ADAM12: variants seen among roughly 807,000 people sequenced by gnomAD.
ADAM12 encodes the protein disintegrin and metalloproteinase domain-containing protein 12.
In ADAM12, 70 loss-of-function variants were observed where a neutral mutation model predicts 106.4. The observed-to-expected ratio is 0.66, with a 90% CI of 0.54 to 0.80. The LOEUF (loss-of-function observed/expected upper bound fraction) is 0.80. Ranked by LOEUF, ADAM12 falls within the 30% of genes least tolerant of loss-of-function variation. The pLI is 0.00. For missense variants in ADAM12, 1,010 were observed against 1,171.9 expected (o/e 0.86, Z 2.02); for synonymous variants, 420 against 433.5 (o/e 0.97, Z 0.39).
At chr10:126,321,404 A>G (rs1003674101) in intron 2 of ADAM12, among the ~76,000 whole-genome samples, 2 of 152,288 alleles carry the variant, frequency 1.3e-5, no homozygotes, top group East Asian at 1.9e-4. Flanking sequence ...AAACAATTTA[A>G]AAGTATGATA....
In ADAM12 at chr10:126,036,630, A is replaced by G. The variant is rs1445363435; in HGVS notation, c.2350-305T>C. Among the ~76,000 whole-genome samples the G allele has an allele frequency of 2.0e-5, 3 of 152,326 alleles. No homozygotes were observed. In the East Asian group the frequency reaches 5.8e-4, roughly 29 times the overall value. On this transcript the variant is annotated intron_variant, in intron 20 of 22. Coordinates refer to ENST00000448723, the MANE Select transcript of ADAM12 (RefSeq NM_001288973.2). ...ACTTGAAAAAGTACCAAGTATAAAGAAAGACACGGACCGAGATCTTAGGGA... is the reference window on the plus strand; with the variant it reads ...ACTTGAAAAAGTACCAAGTATAAAGGAAGACACGGACCGAGATCTTAGGGA...
intron 6 of ADAM12, among the ~76,000 whole-genome samples, chr10:126,115,796 G>C (rs1394274550): frequency 6.6e-6 from 1 of 152,124 alleles, no homozygotes; most frequent in East Asian, 1.9e-4. Context: ...CATAAGTGGG[G>C]CAGGAAATGT....
chr10:126,181,570 C>T (rs1957313040), intron 3 of ADAM12, among the ~76,000 whole-genome samples: 1 of 152,158 alleles, frequency 6.6e-6, no homozygotes, highest in South Asian at 2.1e-4. Flanking sequence ...AGCCACCCAG[C>T]CACTCAAGAA....
At position 126,181,092 on chromosome 10, in the gene ADAM12, GAC is replaced by G. The variant is rs1333125500; in HGVS notation, c.261-25789_261-25788del. On this transcript the variant is annotated intron_variant, in intron 3 of 22. Transcript: ENST00000448723. Reference sequence around the variant, plus strand: ...TAGGGATTTTTTTTTTTTTTTTTGAGACACAGTCTCCCTCTGTTGCCCAGGCT... The same window carrying G: ...TAGGGATTTTTTTTTTTTTTTTTGAGACAGTCTCCCTCTGTTGCCCAGGCT... 1.3e-3 allele frequency among the ~76,000 whole-genome samples: 189 copies of G among 141,914 alleles called. 1 individual carries two copies. Among genetic ancestry groups the G allele is most frequent in the African/African-American group, 5.0e-3 (181 of 36,552 alleles). 93.1% of individuals were successfully genotyped at this position (141,914 alleles called of 152,430 possible).
At chr10:126,317,815 G>A (rs1185001420) in intron 2 of ADAM12, among the ~76,000 whole-genome samples, 2 of 152,088 alleles carry the variant, frequency 1.3e-5, no homozygotes, top group East Asian at 3.9e-4. Context: ...CTGGAGTGCA[G>A]TGGTGCAATG....
chr10:126,037,412 T>C (rs1954080400), intron 20 of ADAM12, among the ~76,000 whole-genome samples: 1 of 152,188 alleles, frequency 6.6e-6, no homozygotes, highest in African/African-American at 2.4e-5. Flanking sequence ...GTAAAGCTTA[T>C]TGGGAATGGC....
intron 3 of ADAM12, among the ~76,000 whole-genome samples, chr10:126,244,485 T>C (rs763024649): frequency 6.6e-6 from 1 of 152,204 alleles, no homozygotes; most frequent in Non-Finnish European, 1.5e-5. Flanking sequence ...AAACTCTGAC[T>C]GACTGACTGA....
At chr10:126,344,198 ATAAGGTG>A (rs1351177313) in intron 1 of ADAM12, among the ~76,000 whole-genome samples, 3 of 152,114 alleles carry the variant, frequency 2.0e-5, no homozygotes, top group Admixed American at 6.5e-5. Context: ...TAATTTTTGT[ATAAGGTG>A]TAAGGAAGGG....
intron 3 of ADAM12, among the ~76,000 whole-genome samples, chr10:126,272,303 T>C (rs1959181608): frequency 6.6e-6 from 1 of 152,150 alleles, no homozygotes; most frequent in African/African-American, 2.4e-5. Flanking sequence ...ATTTAACACA[T>C]CAATAAAGAT....
chr10:126,322,066 A>C (rs1854121350), intron 2 of ADAM12, among the ~76,000 whole-genome samples: 1 of 152,216 alleles, frequency 6.6e-6, no homozygotes, highest in Non-Finnish European at 1.5e-5. Context: ...TTCAGCCTGC[A>C]AGCTAAGACT....
chr10:126,387,606 C>G lies in ADAM12; in HGVS notation c.88+452G>C, dbSNP rs561673227. 2.6e-5 allele frequency among the ~76,000 whole-genome samples: 4 copies of G among 152,032 alleles called. No homozygotes were observed. In the East Asian group the frequency reaches 5.8e-4, roughly 22 times the overall value. On this transcript the variant is annotated intron_variant, in intron 1 of 22. Transcript: ENST00000448723. ...CACCTGCGGGGCCGCTGCGCGCCCC[C>G]CTAAGTGTGTTAGCGGGGGAGGCGG... is the stretch of plus-strand genomic sequence containing the variant.
intron 2 of ADAM12, among the ~76,000 whole-genome samples, chr10:126,312,903 GGTCAA>G (rs1450290591): frequency 1.3e-5 from 2 of 152,140 alleles, no homozygotes; most frequent in Non-Finnish European, 2.9e-5. Flanking sequence ...AGGTAGTTAT[GGTCAA>G]GTCTTCAGAT....
chr10:126,362,682 A>G (rs2133905608), intron 1 of ADAM12, among the ~76,000 whole-genome samples: 1 of 152,344 alleles, frequency 6.6e-6, no homozygotes, highest in South Asian at 2.1e-4. Context: ...GAAATAAGCC[A>G]GGCACAGACA....
chr10:126,382,534 A>C (rs998888531), intron 1 of ADAM12, among the ~76,000 whole-genome samples: 2 of 152,254 alleles, frequency 1.3e-5, no homozygotes, highest in African/African-American at 4.8e-5. Flanking sequence ...CAGGAAGCTG[A>C]AGGATTCTTC....
intron 11 of ADAM12, among the ~76,000 whole-genome samples, chr10:126,078,730 T>G (rs1007700920): frequency 3.9e-5 from 6 of 152,222 alleles, no homozygotes; most frequent in Admixed American, 3.9e-4. Flanking sequence ...TTTAAAATTT[T>G]GGAACAATCC....
Position 126,317,626 on chromosome 10 carries a change from T to TC in ADAM12, c.186+12785dup, listed in dbSNP as rs397742968. ...TTAATTTTTTTAAGAAATGTTTTTT[T>TC]CCCCCAGGGAAAAGAGCCTAATGAT... On this transcript the variant is annotated intron_variant, in intron 2 of 22. Transcript: ENST00000448723. 2.0e-4 allele frequency among the ~76,000 whole-genome samples: 30 copies of TC among 151,326 alleles called. No individual in the cohort carries two copies. The South Asian group carries it at 3.1e-3, about 16-fold the overall frequency.
intron 1 of ADAM12, among the ~76,000 whole-genome samples, chr10:126,364,624 T>C (rs1365442334): frequency 1.3e-5 from 2 of 152,166 alleles, no homozygotes; most frequent in Non-Finnish European, 2.9e-5. Context: ...GGTATGCTGT[T>C]CATTCCAAAT....
chr10:126,112,141 T>C (rs563085138), intron 6 of ADAM12, among the ~76,000 whole-genome samples: 377 of 151,354 alleles, frequency 2.5e-3, no homozygotes, highest in Non-Finnish European at 4.7e-3. Context: ...CAAACTAATA[T>C]AGGAACAGAG....
At position 126,093,990 on chromosome 10, in the gene ADAM12, G is replaced by A; in HGVS notation, c.1140C>T (p.Ser380=). ...ATGGAAGCAATGGTACTTGCCCGGTGGAAGCGTTCATGATGCAGCCTCCTT... is the reference window on the plus strand; with the variant it reads ...ATGGAAGCAATGGTACTTGCCCGGTAGAAGCGTTCATGATGCAGCCTCCTT... The part of the protein sequence containing the change: ...VEKGGCIMNA[S]TGYPFPMVFS... The change falls in exon 11 of 23, where the codon TCC becomes TCT. Residue 380 remains serine (S), a synonymous_variant. Transcript: ENST00000448723. 3.1e-6 allele frequency: 5 copies of A among 1,614,140 alleles called. No individual in the cohort carries two copies. The highest frequency in any genetic ancestry group is 4.2e-6 in the Non-Finnish European group (5 of 1,180,010).
Sources: gnomAD v4.1 joint callset for allele counts (sites outside exome capture counted in the v4.1 genomes callset) on GRCh38, gnomAD v4.1.1 for gene constraint, MANE v1.5 for transcripts, NCBI Gene and HGNC (gene_info 2026-07-23, HGNC 2026-07-21) for gene names.